SRD5A1: variants seen among roughly 807,000 people sequenced by gnomAD.
The protein encoded by SRD5A1 is steroid 5 alpha-reductase 1.
A neutral mutation model predicts 28.2 loss-of-function variants in SRD5A1; 22 were observed. That is an observed-to-expected ratio of 0.78 (90% CI 0.56 to 1.12). The LOEUF (loss-of-function observed/expected upper bound fraction) is 1.12. Among genes scored for constraint, SRD5A1 ranks in the 50% most tolerant of loss-of-function variants. The pLI is 0.00. For missense variants in SRD5A1, 300 were observed against 346.7 expected (o/e 0.87, Z 1.07); for synonymous variants, 151 against 135.0 (o/e 1.12, Z -0.82).
rs974987534 is a variant in SRD5A1 at position 6,671,952 on chromosome 5, TTGAC to T, written c.*3686_*3689del. The T allele has an allele frequency of 1.3e-5, 2 of 152,284 alleles. No homozygotes were observed. The highest frequency in any genetic ancestry group is 2.9e-5 in the Non-Finnish European group (2 of 68,068). 9.4% of individuals were successfully genotyped at this position (152,284 alleles called of 1,614,324 possible). A position where few individuals can be genotyped will look rare whatever the true frequency, so the allele number is the denominator to read the frequency against. On this transcript the variant is annotated 3_prime_UTR_variant, in exon 5 of 5. Coordinates refer to ENST00000274192, the MANE Select transcript of SRD5A1 (RefSeq NM_001047.4). ...TTTTGCAGCAGGATTCCTGAAAATG[TTGAC>T]TTACAGATACGTTTTTGAGATATGA...
intron 3 of SRD5A1, 115 bp from the exon 4 acceptor site, chr5:6,662,701 A>G (rs1478226442): frequency 8.7e-7 from 1 of 1,150,152 alleles, no homozygotes; most frequent in South Asian, 1.4e-5. Flanking sequence ...TTCTGTAAGG[A>G]TAATATTTTT....
intron 3 of SRD5A1, among the ~76,000 whole-genome samples, chr5:6,661,853 C>T (rs6884552): frequency 0.32 from 48,570 of 151,996 alleles, 8,150 homozygotes; most frequent in Middle Eastern, 0.43. Context: ...TTAAAAAAAG[C>T]TCTGTCCTTA....
intron 2 of SRD5A1, among the ~76,000 whole-genome samples, chr5:6,654,536 C>A (rs901937962): frequency 6.6e-6 from 1 of 152,156 alleles, no homozygotes; most frequent in South Asian, 2.1e-4. Flanking sequence ...CAGGCTCAAG[C>A]AATTCTTGTG....
intron 4 of SRD5A1, among the ~76,000 whole-genome samples, chr5:6,666,216 C>T (rs533840142): frequency 3.3e-5 from 5 of 151,938 alleles, no homozygotes; most frequent in Admixed American, 1.3e-4. Flanking sequence ...GGCGCGATCT[C>T]GGCTCACTGC....
chr5:6,666,196 G>A (rs1169729100), intron 4 of SRD5A1, among the ~76,000 whole-genome samples: 1 of 151,756 alleles, frequency 6.6e-6, no homozygotes, highest in Non-Finnish European at 1.5e-5. Context: ...CGCCCAGGCT[G>A]GAGTGCAGTG....
At position 6,669,446 on chromosome 5, in the gene SRD5A1, T is replaced by C. The variant is rs1460315979; in HGVS notation, c.*1178T>C. 6.6e-6 allele frequency: 1 copy of C among 152,250 alleles called. No homozygotes were observed. Among genetic ancestry groups the C allele is most frequent in the Non-Finnish European group, 1.5e-5 (1 of 68,042 alleles). 9.4% of individuals were successfully genotyped at this position (152,250 alleles called of 1,614,324 possible). A position where few individuals can be genotyped will look rare whatever the true frequency, so the allele number is the denominator to read the frequency against. On this transcript the variant is annotated 3_prime_UTR_variant, in exon 5 of 5. Coordinates refer to ENST00000274192, the MANE Select transcript of SRD5A1 (RefSeq NM_001047.4). ...TTTGATAAAAACATTGCCATACTGC[T>C]TTTTATCTTGATGAATTCATCTGGC...
At position 6,642,003 on chromosome 5, in the gene SRD5A1, G is replaced by A. The variant is rs115829870; in HGVS notation, c.293+8134G>A. ...GGTAGTGCATATCTTAGGCTTTGTG[G>A]GCCAAGATACTGGGTAGGTATTTAC... On this transcript the variant is annotated intron_variant, in intron 1 of 4. Coordinates refer to ENST00000274192, the MANE Select transcript of SRD5A1 (RefSeq NM_001047.4). Among the ~76,000 whole-genome samples, 631 of 152,252 alleles carry A rather than the reference G, an allele frequency of 4.1e-3. 2 individuals carry two copies. Among genetic ancestry groups the A allele is most frequent in the Admixed American group, 5.7e-3 (87 of 15,294 alleles).
Position 6,673,574 on chromosome 5 carries a change from C to G in SRD5A1, c.*5306C>G, listed in dbSNP as rs1739423076. 6.6e-6 allele frequency: 1 copy of G among 152,202 alleles called. No individual in the cohort carries two copies. 9.4% of individuals were successfully genotyped at this position (152,202 alleles called of 1,614,324 possible). A position where few individuals can be genotyped will look rare whatever the true frequency, so the allele number is the denominator to read the frequency against. On this transcript the variant is annotated 3_prime_UTR_variant, in exon 5 of 5. Coordinates refer to ENST00000274192, the MANE Select transcript of SRD5A1 (RefSeq NM_001047.4). ...CTTACTAAACAATCTAGTAGATTTG[C>G]TCCTAGGTGTTTACCCAAAGGAGTT... is the stretch of plus-strand genomic sequence containing the variant.
At position 6,636,080 on chromosome 5, in the gene SRD5A1, A is replaced by ATTT. The variant is rs11454295; in HGVS notation, c.293+2219_293+2221dup. On this transcript the variant is annotated intron_variant, in intron 1 of 4. Transcript: ENST00000274192. ...AGTTTTTTTTTTAAATTGCTAGGCTATTTTTTTTTTGAGTTGTACATGTTA... is the reference window on the plus strand; with the variant it reads ...AGTTTTTTTTTTAAATTGCTAGGCTATTTTTTTTTTTTTGAGTTGTACATGTTA... Among the ~76,000 whole-genome samples, 353 of 149,782 alleles carry ATTT rather than the reference A, an allele frequency of 2.4e-3. 5 individuals are homozygous for ATTT. The highest frequency in any genetic ancestry group is 0.02 in the East Asian group (104 of 5,096).
intron 1 of SRD5A1, chr5:6,645,115 T>C (rs1023702490): frequency 7.4e-6 from 3 of 406,788 alleles, no homozygotes; most frequent in Non-Finnish European, 1.5e-5. Flanking sequence ...CTCATGTGAA[T>C]GTCTTCCCCA....
chr5:6,638,428 T>C (rs1254421119), intron 1 of SRD5A1, among the ~76,000 whole-genome samples: 1 of 152,224 alleles, frequency 6.6e-6, no homozygotes, highest in Non-Finnish European at 1.5e-5. Context: ...TAAGACGTGT[T>C]TGCACAAGCA....
At chr5:6,651,385 C>A (rs905365145) in intron 1 of SRD5A1, among the ~76,000 whole-genome samples, 7 of 152,160 alleles carry the variant, frequency 4.6e-5, no homozygotes, top group Non-Finnish European at 1.0e-4. Flanking sequence ...TGGCTGGATA[C>A]AGTGGCTCAC....
chr5:6,644,892 A>G (rs544552559), intron 1 of SRD5A1: 2 of 456,094 alleles, frequency 4.4e-6, no homozygotes, highest in African/African-American at 2.0e-5. Flanking sequence ...GATCTGAATC[A>G]TGATTCCAAG....
Position 6,670,851 on chromosome 5 carries a change from T to G in SRD5A1, c.*2583T>G, listed in dbSNP as rs1739340892. ...ATCATTGCAAATACTGCTAATTGAT[T>G]CCTTTTTATGGCTGAGTAGTATTCC... On this transcript the variant is annotated 3_prime_UTR_variant, in exon 5 of 5. Transcript: ENST00000274192. The G allele has an allele frequency of 6.6e-6, 1 of 152,218 alleles. No individual in the cohort carries two copies. The highest frequency in any genetic ancestry group is 2.1e-4 in the South Asian group (1 of 4,834). 9.4% of individuals were successfully genotyped at this position (152,218 alleles called of 1,614,324 possible).
At chr5:6,643,035 G>GC (rs71606064) in intron 1 of SRD5A1, among the ~76,000 whole-genome samples, 2 of 149,720 alleles carry the variant, frequency 1.3e-5, no homozygotes, top group Admixed American at 1.3e-4. Context: ...TTTGTAATTT[G>GC]TTTTTTTTTT....
At chr5:6,646,904 C>T (rs188918995) in intron 1 of SRD5A1, among the ~76,000 whole-genome samples, 118 of 152,134 alleles carry the variant, frequency 7.8e-4, no homozygotes, top group African/African-American at 2.6e-3. Context: ...CTTTCTCTTG[C>T]GGGCATTTAG....
intron 1 of SRD5A1, among the ~76,000 whole-genome samples, chr5:6,641,244 A>G (rs8192162): frequency 0.012 from 1,860 of 152,216 alleles, 36 homozygotes; most frequent in African/African-American, 0.042. Flanking sequence ...CTAAACAAAG[A>G]CTCAGGTAAA....
chr5:6,638,913 G>A (rs1223377369), intron 1 of SRD5A1, among the ~76,000 whole-genome samples: 5 of 152,104 alleles, frequency 3.3e-5, no homozygotes, highest in African/African-American at 7.2e-5. Context: ...CAATAAAGTC[G>A]ATCATTAAAA....
intron 2 of SRD5A1, among the ~76,000 whole-genome samples, 169 bp from the exon 3 acceptor site, chr5:6,655,909 G>T (rs546963407): frequency 2.0e-5 from 3 of 152,194 alleles, no homozygotes; most frequent in East Asian, 1.9e-4. Flanking sequence ...GCCCTGCTTG[G>T]CATACCTGAC....
Sources: allele counts gnomAD v4.1 joint callset (sites outside exome capture counted in the v4.1 genomes callset), GRCh38; gene constraint gnomAD v4.1.1; transcripts MANE v1.5; gene names NCBI Gene and HGNC (gene_info 2026-07-23, HGNC 2026-07-21).